DACH2: variants seen among roughly 807,000 people sequenced by gnomAD.
The protein encoded by DACH2 is dachshund homolog 2.
A neutral mutation model predicts 35.8 loss-of-function variants in DACH2; 17 were observed. That is an observed-to-expected ratio of 0.48 (90% confidence interval 0.33 to 0.71). DACH2 has a LOEUF of 0.71. DACH2 is among the 30% of genes least tolerant of loss of function. DACH2 has a pLI of 0.02. For missense variants in DACH2, 469 were observed against 472.7 expected (o/e 0.99, Z 0.07); for synonymous variants, 195 against 177.3 (o/e 1.10, Z -0.79).
intron 2 of DACH2, among the ~76,000 whole-genome samples, chrX:86,483,194 T>C (rs907945139): frequency 3.6e-4 from 39 of 108,748 alleles, no homozygotes; most frequent in Non-Finnish European, 5.5e-4. Context: ...AGTGATTGTG[T>C]GGGGCAGAAC....
chrX:86,374,057 G>C lies in DACH2; in HGVS notation c.489-2767G>C, dbSNP rs780858245. 2.3e-3 allele frequency among the ~76,000 whole-genome samples: 258 copies of C among 110,447 alleles called. 1 individual carries two copies. Among genetic ancestry groups the C allele is most frequent in the African/African-American group, 8.1e-3 (246 of 30,516 alleles). ...ATTTTAACTGGACTCCTTATTATGT[G>C]GTATTTTATTGCCTCCTGTCATGTG... On this transcript the variant is annotated intron_variant, in intron 1 of 11. Coordinates refer to ENST00000373125, the MANE Select transcript of DACH2 (RefSeq NM_053281.3).
At chrX:86,280,727 CAT>C (rs2034009009) in intron 1 of DACH2, among the ~76,000 whole-genome samples, 3 of 111,752 alleles carry the variant, frequency 2.7e-5, no homozygotes, top group African/African-American at 9.8e-5. Context: ...CGAAGACACA[CAT>C]ACACTCAAAA....
chrX:86,816,438 A>T (rs1023735041), intron 11 of DACH2, among the ~76,000 whole-genome samples: 3 of 111,978 alleles, frequency 2.7e-5, no homozygotes, highest in African/African-American at 9.7e-5. Flanking sequence ...TTTATCTTTT[A>T]AAAGTGTACA....
chrX:86,360,661 T>C (rs1179970443), intron 1 of DACH2, among the ~76,000 whole-genome samples: 1 of 106,514 alleles, frequency 9.4e-6, no homozygotes, highest in Non-Finnish European at 1.9e-5. Context: ...TTTAAATCCA[T>C]GTCCTATCCT....
chrX:86,510,167 A>AT (rs1274120715), intron 2 of DACH2, among the ~76,000 whole-genome samples: 1 of 111,802 alleles, frequency 8.9e-6, no homozygotes, highest in African/African-American at 3.2e-5. Flanking sequence ...AATTAACTGG[A>AT]TTTTTTCTTT....
intron 1 of DACH2, among the ~76,000 whole-genome samples, chrX:86,297,745 A>C (rs1036458363): frequency 8.9e-6 from 1 of 112,320 alleles, no homozygotes; most frequent in African/African-American, 3.2e-5. Flanking sequence ...ATAAAGGATA[A>C]AGTAAAAATA....
In DACH2 at chrX:86,514,390, A is replaced by T; in HGVS notation, c.639A>T (p.Thr213=). ...GLLSPGLITP[T]GITAAAMAEA... ...TATCGCCAGGACTTATCACTCCGAC[A>T]GGTAATAAAATCCATCTGATGATCA... The change falls in exon 3 of 12, where the codon ACA becomes ACT. Residue 213 remains threonine (T), a splice_region_variant and synonymous_variant. Coordinates refer to ENST00000373125, the MANE Select transcript of DACH2 (RefSeq NM_053281.3). The T allele has an allele frequency of 8.3e-7, 1 of 1,202,501 alleles. No homozygotes were observed. Among genetic ancestry groups the T allele is most frequent in the Non-Finnish European group, 1.1e-6 (1 of 888,814 alleles).
intron 2 of DACH2, among the ~76,000 whole-genome samples, chrX:86,427,161 T>C (rs989233054): frequency 9.0e-6 from 1 of 111,634 alleles, no homozygotes; most frequent in Non-Finnish European, 1.9e-5. Flanking sequence ...CTGCCCTTTA[T>C]CTATAAAGAC....
At chrX:86,301,298 T>C (rs1238761819) in intron 1 of DACH2, among the ~76,000 whole-genome samples, 1 of 112,182 alleles carries the variant, frequency 8.9e-6, no homozygotes, top group Non-Finnish European at 1.9e-5. Flanking sequence ...ACATCTAATG[T>C]AGCAGAATTT....
At chrX:86,716,100 A>G (rs1272548740) in intron 6 of DACH2, among the ~76,000 whole-genome samples, 1 of 111,575 alleles carries the variant, frequency 9.0e-6, no homozygotes, top group Non-Finnish European at 1.9e-5. Flanking sequence ...CTTCCTGGAA[A>G]GACTGGTTAC....
At chrX:86,428,634 T>G (rs1330919684) in intron 2 of DACH2, among the ~76,000 whole-genome samples, 1 of 111,987 alleles carries the variant, frequency 8.9e-6, no homozygotes, top group South Asian at 3.7e-4. Flanking sequence ...TATCTTACCA[T>G]TTTCCTCTTT....
At chrX:86,220,825 A>G (rs1247994862) in intron 1 of DACH2, among the ~76,000 whole-genome samples, 1 of 112,128 alleles carries the variant, frequency 8.9e-6, no homozygotes, top group Non-Finnish European at 1.9e-5. Context: ...ACCATTTTAA[A>G]TATCCATTGT....
chrX:86,638,163 C>T (rs954801608), intron 3 of DACH2, among the ~76,000 whole-genome samples: 1 of 111,694 alleles, frequency 9.0e-6, no homozygotes, highest in Non-Finnish European at 1.9e-5. Context: ...CACTGGGGAA[C>T]GGACAGCCAC....
In DACH2 at chrX:86,790,220, A is replaced by T. The variant is rs115948484; in HGVS notation, c.1241-22636A>T. ...ATTGATTTGGTTTCTTTTTGTTTGA[A>T]TTTACTAAATGTTCTACACCCAAAT... On this transcript the variant is annotated intron_variant, in intron 7 of 11. Coordinates refer to ENST00000373125, the MANE Select transcript of DACH2 (RefSeq NM_053281.3). Among the ~76,000 whole-genome samples, 1,007 of 111,679 alleles carry T rather than the reference A, an allele frequency of 9.0e-3. 12 individuals carry two copies. The highest frequency in any genetic ancestry group is 0.031 in the African/African-American group (945 of 30,802).
chrX:86,435,849 G>T (rs757073554), intron 2 of DACH2, among the ~76,000 whole-genome samples: 44 of 111,752 alleles, frequency 3.9e-4, no homozygotes, highest in African/African-American at 1.2e-3. Context: ...ATGGCAGTTA[G>T]CATGTACAAA....
At chrX:86,258,609 C>T (rs148083541) in intron 1 of DACH2, among the ~76,000 whole-genome samples, 2,009 of 111,389 alleles carry the variant, frequency 0.018, 57 homozygotes, top group African/African-American at 0.06. Flanking sequence ...TAGAAACTCA[C>T]GTTAGAAATA....
intron 3 of DACH2, among the ~76,000 whole-genome samples, chrX:86,600,858 T>C (rs375009593): frequency 1.8e-5 from 2 of 111,377 alleles, no homozygotes; most frequent in Non-Finnish European, 3.8e-5. Flanking sequence ...CTCCTGTGTG[T>C]GCATTCAAGT....
intron 1 of DACH2, chrX:86,304,725 T>C: frequency 6.0e-6 from 1 of 167,037 alleles, no homozygotes; most frequent in Non-Finnish European, 1.3e-5. Context: ...GAGGAGGAGA[T>C]GGAGAGAAAG....
intron 7 of DACH2, among the ~76,000 whole-genome samples, chrX:86,763,278 G>A (rs1275322211): frequency 1.8e-5 from 2 of 112,100 alleles, no homozygotes; most frequent in African/African-American, 6.5e-5. Flanking sequence ...ATGCTATTCA[G>A]CAAGGAAATG....
Sources: gnomAD v4.1 joint callset for allele counts (sites outside exome capture counted in the v4.1 genomes callset) on GRCh38, gnomAD v4.1.1 for gene constraint, MANE v1.5 for transcripts, NCBI Gene and HGNC (gene_info 2026-07-23, HGNC 2026-07-21) for gene names.